The following INTS10 variants were observed in gnomAD, a reference collection of about 807,000 sequenced individuals.
INTS10 encodes the protein chromosome 8 open reading frame 35.
Under a neutral mutation model 94.4 loss-of-function variants are expected in INTS10, and 44 were observed. That is an observed-to-expected ratio of 0.47 (90% CI 0.37 to 0.60). The LOEUF is 0.60. Ranked by LOEUF, INTS10 falls within the 20% of genes least tolerant of loss-of-function variation. The probability of loss-of-function intolerance (pLI) is 0.00; values close to 1 mark genes in which losing one functional copy is unlikely to be tolerated. For synonymous variants in INTS10, 341 were observed against 320.7 expected, an observed-to-expected ratio of 1.06 and a Z score of -0.68; for missense variants, 797 against 868.7, an observed-to-expected ratio of 0.92 and a Z score of 1.04.
Position 19,827,380 on chromosome 8 carries a change from TTCC to T in INTS10, c.1140+824_1140+826del, listed in dbSNP as rs1381269663. On this transcript the variant is annotated intron_variant, in intron 9 of 16. Transcript: ENST00000397977. ...GTAGCTGTCTGGTTCTCTCTTTTTA[TTCC>T]TCTTTTTTAATTCTCTGCAGCATCC... 2.0e-5 allele frequency among the ~76,000 whole-genome samples: 3 copies of T among 152,292 alleles called. No individual in the cohort carries two copies. The East Asian group carries it at 5.8e-4, about 29-fold the overall frequency.
chr8:19,824,627 AT>A, intron 7 of INTS10, 175 bp from the exon 8 acceptor site: 1 of 511,180 alleles, frequency 2.0e-6, no homozygotes, highest in Non-Finnish European at 3.4e-6. Context: ...TGAAATCTTG[AT>A]CACCACCCTA....
At chr8:19,848,450 G>C (rs1373869285) in intron 16 of INTS10, among the ~76,000 whole-genome samples, 1 of 152,196 alleles carries the variant, frequency 6.6e-6, no homozygotes, top group Admixed American at 6.5e-5. Context: ...GATAAATGCA[G>C]TATCTTAGTT....
chr8:19,838,225 A>G (rs1195711021), intron 13 of INTS10, among the ~76,000 whole-genome samples: 1 of 152,024 alleles, frequency 6.6e-6, no homozygotes, highest in Non-Finnish European at 1.5e-5. Context: ...GTGTGGTGGT[A>G]CACACCTGTA....
At chr8:19,833,926 G>C (rs2128783174) in intron 12 of INTS10, among the ~76,000 whole-genome samples, 1 of 151,398 alleles carries the variant, frequency 6.6e-6, no homozygotes, top group African/African-American at 2.4e-5. Context: ...AGAATCACTT[G>C]AACCTGGGAG....
intron 4 of INTS10, chr8:19,821,898 G>A (rs2066407214): frequency 6.6e-6 from 1 of 152,330 alleles, no homozygotes; most frequent in Admixed American, 6.5e-5. Context: ...CCAGTGTCTT[G>A]GTGGATTTGA....
chr8:19,824,451 CA>C, intron 7 of INTS10: 1 of 195,316 alleles, frequency 5.1e-6, no homozygotes, highest in South Asian at 1.2e-4. Flanking sequence ...AAGATCACAC[CA>C]CTGCAATCCA....
At chr8:19,819,743 A>G (rs2066220317) in intron 3 of INTS10, 67 bp downstream of exon 3, 5 of 1,228,526 alleles carry the variant, frequency 4.1e-6, no homozygotes, top group Non-Finnish European at 4.7e-6. Context: ...TTTCACACAC[A>G]AAAAAGTCAC....
chr8:19,850,146 AAAG>A (rs1365604678), intron 16 of INTS10, among the ~76,000 whole-genome samples: 99 of 56,680 alleles, frequency 1.7e-3, no homozygotes, highest in African/African-American at 4.5e-3. Context: ...AAAAAAAAAG[AAAG>A]AAAGAAAGAA....
At chr8:19,817,962 C>T (rs879882257) in intron 1 of INTS10, among the ~76,000 whole-genome samples, 4 of 152,192 alleles carry the variant, frequency 2.6e-5, no homozygotes, top group Non-Finnish European at 5.9e-5. Flanking sequence ...GCCATCTGGC[C>T]TAGACAGCAC....
At chr8:19,842,986 C>A in intron 14 of INTS10, 59 bp downstream of exon 14, 1 of 1,175,756 alleles carries the variant, frequency 8.5e-7, no homozygotes, top group Non-Finnish European at 1.3e-6. Flanking sequence ...ATTCTCATGA[C>A]TCGAGAACTT....
chr8:19,825,779 G>A (rs932066255), intron 8 of INTS10, among the ~76,000 whole-genome samples: 7 of 151,682 alleles, frequency 4.6e-5, no homozygotes, highest in African/African-American at 1.7e-4. Flanking sequence ...TTTGGAATTT[G>A]TAACCATAAT....
chr8:19,824,651 A>G, intron 7 of INTS10, 152 bp from the exon 8 acceptor site: 4 of 543,736 alleles, frequency 7.4e-6, no homozygotes, highest in Non-Finnish European at 1.3e-5. Context: ...TCAGAAGGGA[A>G]AAGTTACCAT....
intron 9 of INTS10, 62 bp downstream of exon 9, chr8:19,826,621 T>G: frequency 6.8e-7 from 1 of 1,466,600 alleles, no homozygotes. Flanking sequence ...AGATGAATCT[T>G]TGTAAAATAT....
chr8:19,837,844 G>C (rs749236454), intron 13 of INTS10, among the ~76,000 whole-genome samples: 1 of 150,956 alleles, frequency 6.6e-6, no homozygotes, highest in Non-Finnish European at 1.5e-5. Context: ...TTATAAAATT[G>C]ATAACCCCCT....
chr8:19,851,464 T>C lies in INTS10; in HGVS notation c.1977-185T>C, dbSNP rs578127917. On this transcript the variant is annotated intron_variant, in intron 16 of 16. Coordinates refer to ENST00000397977, the MANE Select transcript of INTS10 (RefSeq NM_018142.4). The surrounding 1 kb of genome is among the most constrained non-coding windows in gnomAD (Gnocchi z 5.0). Reference sequence around the variant, plus strand: ...GAGTGAGAAAGATGTCTGTCTAGTTTTAAGTCTTTCTGAAGAGAAATGGGC... The same window carrying C: ...GAGTGAGAAAGATGTCTGTCTAGTTCTAAGTCTTTCTGAAGAGAAATGGGC... Among the ~76,000 whole-genome samples the C allele has an allele frequency of 2.0e-5, 3 of 152,360 alleles. No individual in the cohort carries two copies. In the East Asian group the frequency reaches 5.8e-4, roughly 29 times the overall value.
intron 6 of INTS10, 140 bp downstream of exon 6, chr8:19,823,581 A>T: frequency 4.4e-6 from 3 of 679,424 alleles, no homozygotes; most frequent in Non-Finnish European, 7.4e-6. Flanking sequence ...TCTAGAAAAA[A>T]AATACTAAAA....
At chr8:19,836,912 G>A in intron 12 of INTS10, 140 bp from the exon 13 acceptor site, 1 of 624,620 alleles carries the variant, frequency 1.6e-6, no homozygotes, top group East Asian at 2.7e-5. Context: ...TTGAGCAATG[G>A]TAATGATCAC....
At chr8:19,820,184 TACC>T (rs373130990) in intron 3 of INTS10, among the ~76,000 whole-genome samples, 192 bp from the exon 4 acceptor site, 3,430 of 152,184 alleles carry the variant, frequency 0.023, 128 homozygotes, top group African/African-American at 0.079. Context: ...GCAAATATTT[TACC>T]ATTATTCAGC....
Position 19,846,441 on chromosome 8 carries a change from AAAAC to A in INTS10, c.1976+656_1976+659del, listed in dbSNP as rs1251729266. On this transcript the variant is annotated intron_variant, in intron 16 of 16. Coordinates refer to ENST00000397977, the MANE Select transcript of INTS10 (RefSeq NM_018142.4). This position sits in a 1 kb window ranked among gnomAD's most constrained non-coding sequence, Gnocchi z 4.2. The stretch of plus-strand genomic sequence containing the variant: ...AGAGTGAAACTCCATCTCAAAAAAA[AAAAC>A]AAACAAACAAAACAGCTGTGCTTAA... 1.4e-4 allele frequency among the ~76,000 whole-genome samples: 21 copies of A among 150,684 alleles called. 1 individual carries two copies. Among genetic ancestry groups the A allele is most frequent in the Admixed American group, 9.9e-4 (15 of 15,178 alleles).
Sources: gnomAD v4.1 joint callset for allele counts (sites outside exome capture counted in the v4.1 genomes callset) on GRCh38, gnomAD v4.1.1 for gene constraint, Gnocchi (gnomAD v3.1) non-coding constraint, MANE v1.5 for transcripts, NCBI Gene and HGNC (gene_info 2026-07-23, HGNC 2026-07-21) for gene names.